Variants in ST6GALNAC3 observed in about 807,000 individuals in gnomAD.
ST6GALNAC3 encodes ST6 N-acetylgalactosaminide alpha-2,6-sialyltransferase 3.
ST6GALNAC3 carries 25 observed loss-of-function variants against 32.7 expected under a neutral mutation model. The observed-to-expected ratio is 0.76, with a 90% CI of 0.56 to 1.07. ST6GALNAC3 has a LOEUF of 1.07. Among genes scored for constraint, ST6GALNAC3 ranks in the 50% least tolerant of loss-of-function variants. The probability of loss-of-function intolerance (pLI) is 0.00; values close to 1 mark genes in which losing one functional copy is unlikely to be tolerated. For missense variants in ST6GALNAC3, 355 were observed against 382.4 expected, an observed-to-expected ratio of 0.93 and a Z score of 0.60; for synonymous variants, 129 against 133.1, an observed-to-expected ratio of 0.97 and a Z score of 0.21.
In ST6GALNAC3 at chr1:76,479,046, A is replaced by G. The variant is rs1364111232; in HGVS notation, c.623+66629A>G. 3.9e-5 allele frequency among the ~76,000 whole-genome samples: 6 copies of G among 152,144 alleles called. No homozygotes were observed. In the East Asian group the frequency reaches 1.2e-3, roughly 29 times the overall value. ...CCAAAGTGCTGGGATTACAGGCGTA[A>G]CCCACCATGCTCTGCCTTATTAATT... On this transcript the variant is annotated intron_variant, in intron 3 of 4. Transcript: ENST00000328299.
intron 3 of ST6GALNAC3, among the ~76,000 whole-genome samples, chr1:76,494,485 A>ACACACT (rs1660708236): frequency 7.4e-6 from 1 of 134,484 alleles, no homozygotes; most frequent in Admixed American, 7.6e-5. Context: ...ACACACACAC[A>ACACACT]CTTTCCCTAC....
chr1:76,089,242 G>A (rs981390863), intron 1 of ST6GALNAC3, among the ~76,000 whole-genome samples: 1 of 151,828 alleles, frequency 6.6e-6, no homozygotes, highest in African/African-American at 2.4e-5. Flanking sequence ...TAGAAGAGAC[G>A]GGGTTTCACT....
At position 76,633,337 on chromosome 1, in the gene ST6GALNAC3, C is replaced by A. The variant is rs1036926463; in HGVS notation, c.*4531C>A. 14 of 152,186 alleles carry A rather than the reference C, an allele frequency of 9.2e-5. No homozygotes were observed. The highest frequency in any genetic ancestry group is 3.4e-4 in the African/African-American group (14 of 41,442). 9.4% of individuals were successfully genotyped at this position (152,186 alleles called of 1,614,324 possible). On this transcript the variant is annotated 3_prime_UTR_variant, in exon 5 of 5. Coordinates refer to ENST00000328299, the MANE Select transcript of ST6GALNAC3 (RefSeq NM_152996.4). ...TAATTCTGCTCAGGATGAAACAAAT[C>A]CCCACGCTGAAGTGGAGAAATATTT...
chr1:76,502,859 C>G (rs1211670161), intron 3 of ST6GALNAC3, among the ~76,000 whole-genome samples: 1 of 152,074 alleles, frequency 6.6e-6, no homozygotes, highest in Non-Finnish European at 1.5e-5. Context: ...TTCTTTCCAC[C>G]ATAACACAAG....
At chr1:76,079,346 A>G (rs1646859169) in intron 1 of ST6GALNAC3, among the ~76,000 whole-genome samples, 1 of 152,234 alleles carries the variant, frequency 6.6e-6, no homozygotes. Flanking sequence ...TTAAAATTTT[A>G]TGCAAGAAAA....
intron 3 of ST6GALNAC3, chr1:76,413,101 T>A (rs1354879979): frequency 4.7e-6 from 1 of 212,502 alleles, no homozygotes; most frequent in African/African-American, 2.3e-5. Flanking sequence ...ACTTCGCACT[T>A]TTTTCCCTTG....
chr1:76,502,635 C>G (rs1014569420), intron 3 of ST6GALNAC3, among the ~76,000 whole-genome samples: 1 of 152,138 alleles, frequency 6.6e-6, no homozygotes, highest in Non-Finnish European at 1.5e-5. Flanking sequence ...TCCTAACAAC[C>G]AAGTAAGTTA....
intron 1 of ST6GALNAC3, among the ~76,000 whole-genome samples, chr1:76,182,696 C>T (rs1199069938): frequency 6.6e-6 from 1 of 152,110 alleles, no homozygotes; most frequent in Non-Finnish European, 1.5e-5. Context: ...ATAAGCAAGG[C>T]TATCACTCCA....
chr1:76,403,594 GGGGTGGACTCCC>G (rs1241933476), intron 2 of ST6GALNAC3, among the ~76,000 whole-genome samples: 1 of 152,084 alleles, frequency 6.6e-6, no homozygotes, highest in Non-Finnish European at 1.5e-5. Context: ...TATTTGGTCA[GGGGTGGACTCCC>G]GCCATTGCCA....
chr1:76,258,138 T>C (rs760409330), intron 1 of ST6GALNAC3, among the ~76,000 whole-genome samples: 4 of 152,206 alleles, frequency 2.6e-5, no homozygotes, highest in Non-Finnish European at 5.9e-5. Context: ...GTAGAATTAG[T>C]CCTTGGTTAA....
At chr1:76,577,013 T>C (rs1477469884) in intron 3 of ST6GALNAC3, 1 of 1,203,576 alleles carries the variant, frequency 8.3e-7, no homozygotes, top group Non-Finnish European at 1.1e-6. Flanking sequence ...GGTTCAAAGA[T>C]TAAGATTGTG....
intron 3 of ST6GALNAC3, among the ~76,000 whole-genome samples, chr1:76,470,841 T>C (rs889216833): frequency 1.3e-5 from 2 of 152,058 alleles, no homozygotes; most frequent in Non-Finnish European, 1.5e-5. Context: ...GGAATTCTTA[T>C]GCTGAGGTGA....
At chr1:76,421,286 GT>G (rs1655014066) in intron 3 of ST6GALNAC3, among the ~76,000 whole-genome samples, 1 of 152,050 alleles carries the variant, frequency 6.6e-6, no homozygotes, top group Non-Finnish European at 1.5e-5. Context: ...GAGAGACCAC[GT>G]CTTACTTTAC....
chr1:76,547,231 G>A (rs1664350571), intron 3 of ST6GALNAC3, among the ~76,000 whole-genome samples: 1 of 152,126 alleles, frequency 6.6e-6, no homozygotes, highest in South Asian at 2.1e-4. Context: ...TATATGATCT[G>A]GGAACTAGAC....
intron 3 of ST6GALNAC3, among the ~76,000 whole-genome samples, chr1:76,490,557 G>A (rs752541974): frequency 8.6e-5 from 13 of 150,724 alleles, no homozygotes; most frequent in Non-Finnish European, 1.8e-4. Flanking sequence ...CACAACTTGC[G>A]GAATGCAATA....
At chr1:76,122,442 G>T (rs1648942057) in intron 1 of ST6GALNAC3, among the ~76,000 whole-genome samples, 1 of 152,166 alleles carries the variant, frequency 6.6e-6, no homozygotes, top group Admixed American at 6.5e-5. Flanking sequence ...GTGAACAAGT[G>T]AACAGCTCTC....
intron 1 of ST6GALNAC3, among the ~76,000 whole-genome samples, chr1:76,234,445 T>A (rs1656535931): frequency 6.6e-6 from 1 of 152,214 alleles, no homozygotes; most frequent in Admixed American, 6.5e-5. Flanking sequence ...GACTTCAGGA[T>A]CTCTCACATG....
intron 3 of ST6GALNAC3, among the ~76,000 whole-genome samples, chr1:76,502,755 C>G (rs969088572): frequency 2.0e-5 from 3 of 152,092 alleles, no homozygotes; most frequent in African/African-American, 7.2e-5. Flanking sequence ...ACCTGTAACA[C>G]CATTGTACAG....
intron 3 of ST6GALNAC3, among the ~76,000 whole-genome samples, chr1:76,537,997 G>A (rs1285408873): frequency 6.6e-6 from 1 of 152,150 alleles, no homozygotes; most frequent in Non-Finnish European, 1.5e-5. Context: ...GAAAAGGAGG[G>A]ACTCCTCCCT....
Sources: gnomAD v4.1 joint callset for allele counts (sites outside exome capture counted in the v4.1 genomes callset) on GRCh38, gnomAD v4.1.1 for gene constraint, MANE v1.5 for transcripts, NCBI Gene and HGNC (gene_info 2026-07-23, HGNC 2026-07-21) for gene names.